Variants in NEDD4L observed in about 807,000 individuals in gnomAD.
NEDD4L encodes NEDD4 like E3 ubiquitin protein ligase, also known as E3 ubiquitin-protein ligase NEDD4-like.
Under a neutral mutation model 148.9 loss-of-function variants are expected in NEDD4L, and 54 were observed. The observed-to-expected ratio is 0.36, with a 90% CI of 0.29 to 0.45. The LOEUF (loss-of-function observed/expected upper bound fraction) is 0.45. Among genes scored for constraint, NEDD4L ranks in the 20% least tolerant of loss-of-function variants. The pLI, the probability that NEDD4L is intolerant of heterozygous loss-of-function variation, is 1.00. For missense variants in NEDD4L, 856 were observed against 1,233.8 expected (o/e 0.69, Z 4.59); for synonymous variants, 433 against 440.7 (o/e 0.98, Z 0.22).
At chr18:58,167,868 T>C (rs989550785) in intron 2 of NEDD4L, among the ~76,000 whole-genome samples, 1 of 152,200 alleles carries the variant, frequency 6.6e-6, no homozygotes, top group Non-Finnish European at 1.5e-5. Flanking sequence ...ATTTTGGTGA[T>C]TTCTTTTTAA....
chr18:58,232,628 C>T (rs1202981766), intron 2 of NEDD4L, among the ~76,000 whole-genome samples: 1 of 152,216 alleles, frequency 6.6e-6, no homozygotes, highest in African/African-American at 2.4e-5. Flanking sequence ...TAGGGGGCAT[C>T]ACCGTAATGT....
rs200737484 is a variant in NEDD4L at position 58,317,794 on chromosome 18, C to T, written c.348+1762C>T. ...CGATTGCAGAGGGTAGAGCCGTGAA[C>T]GCCCAGAGAGGACCGAGTGCCCCTA... is the stretch of plus-strand genomic sequence containing the variant. On this transcript the variant is annotated intron_variant, in intron 6 of 30. Coordinates refer to ENST00000400345, the MANE Select transcript of NEDD4L (RefSeq NM_001144967.3). 3.9e-5 allele frequency among the ~76,000 whole-genome samples: 6 copies of T among 152,178 alleles called. No homozygotes were observed. In the East Asian group the frequency reaches 5.8e-4, roughly 15 times the overall value.
At chr18:58,339,463 A>G (rs1276912038) in intron 13 of NEDD4L, among the ~76,000 whole-genome samples, 5 of 152,140 alleles carry the variant, frequency 3.3e-5, no homozygotes, top group African/African-American at 9.7e-5. Context: ...TTTAATATTC[A>G]TGAAAGGATT....
At chr18:58,059,820 T>C (rs2082248232) in intron 1 of NEDD4L, among the ~76,000 whole-genome samples, 1 of 152,208 alleles carries the variant, frequency 6.6e-6, no homozygotes, top group African/African-American at 2.4e-5. Flanking sequence ...ATAGGTTAAC[T>C]AGCTTGAATT....
chr18:58,314,418 C>CTTG, intron 5 of NEDD4L: 1 of 132,892 alleles, frequency 7.5e-6, no homozygotes, highest in Non-Finnish European at 1.6e-5. Context: ...GACTCTGTCT[C>CTTG]AAAAAAAAAA....
chr18:58,298,202 A>ACTC (rs1224885479), intron 5 of NEDD4L, among the ~76,000 whole-genome samples: 1 of 152,218 alleles, frequency 6.6e-6, no homozygotes, highest in African/African-American at 2.4e-5. Context: ...GTCTACATGC[A>ACTC]TGTCATATCT....
At chr18:58,105,195 C>T (rs997844292) in intron 1 of NEDD4L, among the ~76,000 whole-genome samples, 4 of 152,202 alleles carry the variant, frequency 2.6e-5, no homozygotes, top group Non-Finnish European at 5.9e-5. Flanking sequence ...TTTGAGAAAT[C>T]TGTCGGCAAG....
chr18:58,342,804 T>A, intron 15 of NEDD4L, 102 bp from the exon 16 acceptor site: 1 of 862,582 alleles, frequency 1.2e-6, no homozygotes, highest in South Asian at 3.2e-5. Context: ...ATCTTCCCTC[T>A]TGTCCATCTC....
chr18:58,074,175 T>A (rs1295947206), intron 1 of NEDD4L, among the ~76,000 whole-genome samples: 1 of 152,134 alleles, frequency 6.6e-6, no homozygotes, highest in Non-Finnish European at 1.5e-5. Context: ...TAAGTTTCCA[T>A]TGATGGCAGA....
chr18:58,153,015 G>A (rs1001655391), intron 1 of NEDD4L, among the ~76,000 whole-genome samples: 1 of 152,148 alleles, frequency 6.6e-6, no homozygotes, highest in African/African-American at 2.4e-5. Context: ...AGGGTTTTAG[G>A]GGAAGGAGAG....
chr18:58,361,507 A>G (rs1247921496), intron 19 of NEDD4L, among the ~76,000 whole-genome samples: 1 of 152,192 alleles, frequency 6.6e-6, no homozygotes, highest in Non-Finnish European at 1.5e-5. Context: ...GGCAGGGCAA[A>G]TGTTGTTATT....
At chr18:58,352,246 C>T (rs2043981694) in intron 18 of NEDD4L, among the ~76,000 whole-genome samples, 1 of 152,130 alleles carries the variant, frequency 6.6e-6, no homozygotes, top group African/African-American at 2.4e-5. Flanking sequence ...ATTTTTCCTG[C>T]TTTCATGTAT....
At chr18:58,340,905 A>T in intron 13 of NEDD4L, 133 bp from the exon 14 acceptor site, 1 of 869,172 alleles carries the variant, frequency 1.2e-6, no homozygotes, top group Non-Finnish European at 1.7e-6. Flanking sequence ...AGACACTTGT[A>T]AGTGTTTTCT....
intron 2 of NEDD4L, among the ~76,000 whole-genome samples, chr18:58,198,595 C>T (rs1477944238): frequency 6.6e-6 from 1 of 152,128 alleles, no homozygotes; most frequent in Non-Finnish European, 1.5e-5. Flanking sequence ...CTTTCCCAGA[C>T]CAAGTTCTGT....
At chr18:58,316,614 A>G (rs1328822648) in intron 6 of NEDD4L, among the ~76,000 whole-genome samples, 1 of 152,210 alleles carries the variant, frequency 6.6e-6, no homozygotes, top group African/African-American at 2.4e-5. Context: ...TGGTGCTGCC[A>G]TTTCTCTCTG....
chr18:58,137,020 A>T (rs1400692350), intron 1 of NEDD4L, among the ~76,000 whole-genome samples: 1 of 152,234 alleles, frequency 6.6e-6, no homozygotes, highest in Non-Finnish European at 1.5e-5. Context: ...CTGCCATTGT[A>T]TGTGTATCTT....
Position 58,253,794 on chromosome 18 carries a change from T to C in NEDD4L, c.297+1740T>C, listed in dbSNP as rs2048189921. Reference sequence around the variant, plus strand: ...TTTCCCATTTCCGTATCTGAAATAATGACTGTAGTTGAGGTGATCTTGCCC... The same window carrying C: ...TTTCCCATTTCCGTATCTGAAATAACGACTGTAGTTGAGGTGATCTTGCCC... On this transcript the variant is annotated intron_variant, in intron 5 of 30. Coordinates refer to ENST00000400345, the MANE Select transcript of NEDD4L (RefSeq NM_001144967.3). Among the ~76,000 whole-genome samples the C allele has an allele frequency of 2.6e-5, 4 of 152,220 alleles. No homozygotes were observed. The South Asian group carries it at 8.3e-4, about 32-fold the overall frequency.
intron 27 of NEDD4L, 38 bp from the exon 28 acceptor site, chr18:58,389,047 C>A: frequency 1.3e-6 from 2 of 1,554,384 alleles, no homozygotes; most frequent in East Asian, 2.2e-5. Flanking sequence ...TCGCACCTTT[C>A]ACATCCTGCT....
At chr18:58,124,126 C>T (rs1179687263) in intron 1 of NEDD4L, among the ~76,000 whole-genome samples, 1 of 152,136 alleles carries the variant, frequency 6.6e-6, no homozygotes, top group African/African-American at 2.4e-5. Flanking sequence ...TCCGATTGCC[C>T]CTTCCAGTCT....
Sources: allele counts gnomAD v4.1 joint callset (sites outside exome capture counted in the v4.1 genomes callset), GRCh38; gene constraint gnomAD v4.1.1; transcripts MANE v1.5; gene names NCBI Gene and HGNC (gene_info 2026-07-23, HGNC 2026-07-21).